Variants in ANO2 observed in about 807,000 individuals in gnomAD.
ANO2 encodes the protein anoctamin 2, also known as anoctamin-2.
A neutral mutation model predicts 124.2 loss-of-function variants in ANO2; 101 were observed. The ratio of observed to expected loss-of-function variants is 0.81; its 90% CI spans 0.69 to 0.96. The LOEUF is 0.96. Ranked by LOEUF, ANO2 falls within the 40% of genes least tolerant of loss-of-function variation. The probability of loss-of-function intolerance (pLI) is 0.00; values close to 1 mark genes in which losing one functional copy is unlikely to be tolerated. For synonymous variants in ANO2, 486 were observed against 482.5 expected, an observed-to-expected ratio of 1.01 and a Z score of -0.09; for missense variants, 1,293 against 1,274.5, an observed-to-expected ratio of 1.01 and a Z score of -0.22.
chr12:5,774,618 C>T (rs1424491233), intron 10 of ANO2, among the ~76,000 whole-genome samples: 3 of 152,282 alleles, frequency 2.0e-5, no homozygotes, highest in South Asian at 4.2e-4. Context: ...TAAAAGCTCA[C>T]GGGCAATGTT....
intron 4 of ANO2, among the ~76,000 whole-genome samples, chr12:5,843,325 G>A (rs1427196577): frequency 2.0e-5 from 3 of 152,104 alleles, no homozygotes; most frequent in East Asian, 1.9e-4. Context: ...CAAGGTGGGC[G>A]GATCACTTGC....
chr12:5,631,736 A>G (rs1163500675), intron 16 of ANO2, among the ~76,000 whole-genome samples: 1 of 152,116 alleles, frequency 6.6e-6, no homozygotes, highest in Non-Finnish European at 1.5e-5. Flanking sequence ...CAGCATGAGC[A>G]AGGCCGGGGT....
At chr12:5,807,487 C>T in intron 7 of ANO2, 119 bp from the exon 8 acceptor site, 3 of 750,860 alleles carry the variant, frequency 4.0e-6, no homozygotes, top group South Asian at 2.0e-5. Context: ...CTGCATCCTC[C>T]TCTATATCAT....
At chr12:5,626,902 C>T (rs376177210) in intron 16 of ANO2, among the ~76,000 whole-genome samples, 8 of 152,306 alleles carry the variant, frequency 5.3e-5, no homozygotes, top group African/African-American at 1.9e-4. Flanking sequence ...CTTCTGGATG[C>T]TTTAGTCCCT....
intron 10 of ANO2, among the ~76,000 whole-genome samples, chr12:5,759,394 A>G (rs759980341): frequency 1.3e-5 from 2 of 152,054 alleles, no homozygotes; most frequent in African/African-American, 2.4e-5. Flanking sequence ...TATGCAAGCC[A>G]AAAGTTAATA....
At chr12:5,819,930 TCTG>T (rs1475265244) in intron 7 of ANO2, among the ~76,000 whole-genome samples, 1 of 152,106 alleles carries the variant, frequency 6.6e-6, no homozygotes, top group African/African-American at 2.4e-5. Context: ...ATCAGAATAA[TCTG>T]ACTTATGTAG....
intron 15 of ANO2, among the ~76,000 whole-genome samples, chr12:5,642,541 G>A (rs922685673): frequency 6.6e-6 from 1 of 152,090 alleles, no homozygotes; most frequent in Non-Finnish European, 1.5e-5. Flanking sequence ...CCAGGCCACC[G>A]CACTTCTTGC....
At chr12:5,917,234 G>A (rs1281167084) in intron 3 of ANO2, among the ~76,000 whole-genome samples, 1 of 152,148 alleles carries the variant, frequency 6.6e-6, no homozygotes, top group Non-Finnish European at 1.5e-5. Context: ...TGGGGAGACG[G>A]GGGCAGCCAA....
intron 14 of ANO2, among the ~76,000 whole-genome samples, chr12:5,700,091 T>C (rs1949343399): frequency 1.3e-5 from 2 of 152,212 alleles, no homozygotes; most frequent in Non-Finnish European, 2.9e-5. Context: ...CAAGCGGACC[T>C]AATAGACATC....
At chr12:5,791,561 T>C (rs1029451048) in intron 10 of ANO2, among the ~76,000 whole-genome samples, 1 of 152,184 alleles carries the variant, frequency 6.6e-6, no homozygotes, top group African/African-American at 2.4e-5. Flanking sequence ...TGACATCCAC[T>C]GAATGGAACT....
intron 10 of ANO2, among the ~76,000 whole-genome samples, chr12:5,778,543 C>T (rs1408925805): frequency 6.6e-6 from 1 of 152,186 alleles, no homozygotes; most frequent in Non-Finnish European, 1.5e-5. Flanking sequence ...CCACATCTAA[C>T]ATATCTGAAA....
chr12:5,624,042 G>C (rs1945264372), intron 16 of ANO2, among the ~76,000 whole-genome samples: 1 of 152,056 alleles, frequency 6.6e-6, no homozygotes, highest in Non-Finnish European at 1.5e-5. Flanking sequence ...GGATCTAGAG[G>C]GTGTGCCTGA....
intron 12 of ANO2, chr12:5,739,860 CT>C (rs1329859403): frequency 4.4e-6 from 2 of 456,270 alleles, no homozygotes; most frequent in Non-Finnish European, 8.8e-6. Flanking sequence ...CATTTGGGCC[CT>C]AATCATCTCA....
chr12:5,882,063 G>A (rs11063901), intron 3 of ANO2, among the ~76,000 whole-genome samples: 2,517 of 152,276 alleles, frequency 0.017, 62 homozygotes, highest in African/African-American at 0.058. Context: ...TAAAGGCAGG[G>A]CTGAATGACA....
intron 1 of ANO2, among the ~76,000 whole-genome samples, chr12:5,923,185 TAC>T (rs1164567670): frequency 0.057 from 811 of 14,124 alleles, 99 homozygotes; most frequent in African/African-American, 0.1. Context: ...CACACACACA[TAC>T]ACACACACGC....
At chr12:5,600,811 A>C (rs1198234023) in intron 19 of ANO2, among the ~76,000 whole-genome samples, 1 of 152,208 alleles carries the variant, frequency 6.6e-6, no homozygotes, top group African/African-American at 2.4e-5. Flanking sequence ...TCCATGCTTC[A>C]TCTGGATGTA....
intron 12 of ANO2, among the ~76,000 whole-genome samples, chr12:5,743,582 T>C (rs565466329): frequency 6.6e-6 from 1 of 151,736 alleles, no homozygotes; most frequent in East Asian, 1.9e-4. Context: ...AGGAGAAAAA[T>C]GAAGGAATTA....
At chr12:5,884,170 G>A (rs184746634) in intron 3 of ANO2, among the ~76,000 whole-genome samples, 142 of 152,292 alleles carry the variant, frequency 9.3e-4, no homozygotes, top group Non-Finnish European at 1.9e-3. Context: ...ACCAGTCAAG[G>A]TGCAAGGCAA....
At chr12:5,865,505 G>A (rs1313626812) in intron 3 of ANO2, among the ~76,000 whole-genome samples, 1 of 123,820 alleles carries the variant, frequency 8.1e-6, no homozygotes, top group Non-Finnish European at 1.7e-5. Flanking sequence ...ATTTACACCA[G>A]CATGCCATCA....
Sources: allele counts gnomAD v4.1 joint callset (sites outside exome capture counted in the v4.1 genomes callset), GRCh38; gene constraint gnomAD v4.1.1; transcripts MANE v1.5; gene names NCBI Gene and HGNC (gene_info 2026-07-23, HGNC 2026-07-21).